DEUP1: variants seen among roughly 807,000 people sequenced by gnomAD.
The protein encoded by DEUP1 is coiled-coil domain containing 67.
In DEUP1, 82 loss-of-function variants were observed where a neutral mutation model predicts 87.4. The observed-to-expected ratio is 0.94, with a 90% CI of 0.78 to 1.13. The LOEUF is 1.13. Among genes scored for constraint, DEUP1 ranks in the 50% most tolerant of loss-of-function variants. The pLI, the probability that DEUP1 is intolerant of heterozygous loss-of-function variation, is 0.00. For missense variants in DEUP1, 663 were observed against 681.5 expected (o/e 0.97, Z 0.30); for synonymous variants, 214 against 222.7 (o/e 0.96, Z 0.35).
intron 5 of DEUP1, among the ~76,000 whole-genome samples, chr11:93,369,170 T>C (rs1945578806): frequency 6.6e-6 from 1 of 152,042 alleles, no homozygotes; most frequent in African/African-American, 2.4e-5. Flanking sequence ...GGAAACAAAA[T>C]CTCTCATAGC....
rs191542819 is a variant in DEUP1, at chr11:93,355,547, T to A, written c.201+5T>A. ...TTGGATCAGAAAGGTCAAGAGGTAC[T>A]GAATACATATGTTAACAAATTGCTA... On this transcript the variant is annotated splice_donor_5th_base_variant and intron_variant, in intron 3 of 13. Coordinates refer to ENST00000298050, the MANE Select transcript of DEUP1 (RefSeq NM_181645.4). 4.2e-4 allele frequency: 669 copies of A among 1,601,080 alleles called. 1 individual carries two copies. In the African/African-American group the frequency reaches 7.5e-3, roughly 18 times the overall value.
intron 11 of DEUP1, among the ~76,000 whole-genome samples, chr11:93,404,893 G>C (rs1947223497): frequency 6.6e-6 from 1 of 151,792 alleles, no homozygotes; most frequent in Admixed American, 6.6e-5. Flanking sequence ...CCCAAAAAAG[G>C]GTTTTGTAAA....
chr11:93,432,572 G>A (rs75065035), intron 13 of DEUP1, among the ~76,000 whole-genome samples: 1,640 of 152,220 alleles, frequency 0.011, 21 homozygotes, highest in African/African-American at 0.034. Flanking sequence ...GGCAAGACCC[G>A]GGCAGATGGG....
intron 4 of DEUP1, among the ~76,000 whole-genome samples, chr11:93,362,004 G>T (rs1169949421): frequency 1.3e-5 from 2 of 151,916 alleles, no homozygotes; most frequent in Admixed American, 6.6e-5. Context: ...ATGACAAGAG[G>T]ATATCCACAT....
chr11:93,356,547 A>G (rs1016070715), intron 3 of DEUP1, among the ~76,000 whole-genome samples: 1 of 152,190 alleles, frequency 6.6e-6, no homozygotes, highest in Non-Finnish European at 1.5e-5. Context: ...ATAAAAATGT[A>G]TCAATTATTT....
chr11:93,367,550 A>T (rs888092785), intron 5 of DEUP1, among the ~76,000 whole-genome samples: 2 of 152,342 alleles, frequency 1.3e-5, no homozygotes, highest in East Asian at 1.9e-4. Context: ...ACATACTGAC[A>T]TATTGTAAAA....
chr11:93,389,374 C>A (rs1946698201), intron 9 of DEUP1, among the ~76,000 whole-genome samples: 1 of 152,144 alleles, frequency 6.6e-6, no homozygotes, highest in African/African-American at 2.4e-5. Context: ...CTGGAGGCTC[C>A]ATGATAGGTG....
chr11:93,354,777 C>A (rs1370234416), intron 2 of DEUP1, among the ~76,000 whole-genome samples: 4 of 152,152 alleles, frequency 2.6e-5, no homozygotes, highest in Non-Finnish European at 5.9e-5. Flanking sequence ...TTACCTCCCC[C>A]TAGTTTCCTC....
intron 13 of DEUP1, among the ~76,000 whole-genome samples, chr11:93,427,076 T>C (rs1259453465): frequency 7.9e-6 from 1 of 126,632 alleles, no homozygotes; most frequent in Non-Finnish European, 1.6e-5. Context: ...TTCAGTGCCA[T>C]CCGCATCAAG....
At chr11:93,334,509 G>A (rs1019558510) in intron 2 of DEUP1, among the ~76,000 whole-genome samples, 12 of 152,134 alleles carry the variant, frequency 7.9e-5, no homozygotes, top group African/African-American at 2.7e-4. Context: ...AATAAAGCAG[G>A]CTAAGGGTGG....
intron 11 of DEUP1, among the ~76,000 whole-genome samples, chr11:93,404,628 A>G (rs994030065): frequency 6.6e-6 from 1 of 152,064 alleles, no homozygotes; most frequent in African/African-American, 2.4e-5. Flanking sequence ...CCATACATGC[A>G]AAATATTATT....
intron 7 of DEUP1, among the ~76,000 whole-genome samples, chr11:93,372,014 C>T (rs1321290148): frequency 6.7e-6 from 1 of 150,200 alleles, no homozygotes; most frequent in Non-Finnish European, 1.5e-5. Flanking sequence ...CTGCAAGCTC[C>T]GCCTCCTGGG....
intron 12 of DEUP1, among the ~76,000 whole-genome samples, chr11:93,410,131 A>G (rs968601777): frequency 8.5e-5 from 13 of 152,232 alleles, no homozygotes; most frequent in African/African-American, 2.9e-4. Flanking sequence ...TCAGCACCTC[A>G]GCCATGTGTA....
chr11:93,372,425 T>A (rs1476968421), intron 7 of DEUP1, among the ~76,000 whole-genome samples: 1 of 152,154 alleles, frequency 6.6e-6, no homozygotes, highest in Non-Finnish European at 1.5e-5. Flanking sequence ...AGAACTTCCA[T>A]TTCATTTCCT....
At chr11:93,349,048 G>A (rs1944500717) in intron 2 of DEUP1, among the ~76,000 whole-genome samples, 1 of 152,098 alleles carries the variant, frequency 6.6e-6, no homozygotes. Context: ...CCTACCCTCT[G>A]CAAGTCTGTA....
Position 93,341,338 on chromosome 11 carries a change from G to A in DEUP1, c.29+9050G>A, listed in dbSNP as rs550705876. On this transcript the variant is annotated intron_variant, in intron 2 of 13. Transcript: ENST00000298050. ...GGAGGCTGAGGCAGAAGGATCACTT[G>A]AGCTTCTTCCTCATTTTCTCTCGCC... Among the ~76,000 whole-genome samples, 3 of 152,176 alleles carry A rather than the reference G, an allele frequency of 2.0e-5. No individual in the cohort carries two copies. The East Asian group carries it at 5.8e-4, about 29-fold the overall frequency.
chr11:93,372,157 T>C (rs1200694505), intron 7 of DEUP1, among the ~76,000 whole-genome samples: 1 of 152,042 alleles, frequency 6.6e-6, no homozygotes, highest in Non-Finnish European at 1.5e-5. Flanking sequence ...CTCGATCTCC[T>C]GACCTCGTGA....
chr11:93,393,223 C>A (rs1234384762), intron 9 of DEUP1, among the ~76,000 whole-genome samples: 2 of 151,776 alleles, frequency 1.3e-5, no homozygotes, highest in African/African-American at 4.8e-5. Flanking sequence ...TTCCACCCGA[C>A]TAACTGAGAC....
At chr11:93,360,905 C>CAAAAA (rs35572726) in intron 4 of DEUP1, among the ~76,000 whole-genome samples, 1 of 82,388 alleles carries the variant, frequency 1.2e-5, no homozygotes, top group Admixed American at 1.2e-4. Flanking sequence ...CAAAACTTAG[C>CAAAAA]AAAAAAAAAA....
Sources: allele counts gnomAD v4.1 joint callset (sites outside exome capture counted in the v4.1 genomes callset), GRCh38; gene constraint gnomAD v4.1.1; transcripts MANE v1.5; gene names NCBI Gene and HGNC (gene_info 2026-07-23, HGNC 2026-07-21).